The following CLASP1 variants were observed in gnomAD, a reference collection of about 807,000 sequenced individuals.
CLASP1 encodes cytoplasmic linker associated protein 1.
CLASP1 carries 38 observed loss-of-function variants against 192.3 expected under a neutral mutation model. That is an observed-to-expected ratio of 0.20 (90% confidence interval 0.15 to 0.26). CLASP1 has a LOEUF of 0.26. Among genes scored for constraint, CLASP1 ranks in the 10% least tolerant of loss-of-function variants. The pLI, the probability that CLASP1 is intolerant of heterozygous loss-of-function variation, is 1.00. For synonymous variants in CLASP1, 691 were observed against 712.8 expected, an observed-to-expected ratio of 0.97 and a Z score of 0.49; for missense variants, 1,433 against 1,932.5, an observed-to-expected ratio of 0.74 and a Z score of 4.85.
Position 121,553,035 on chromosome 2 carries a change from TTG to T in CLASP1, c.196-22712_196-22711del, listed in dbSNP as rs1448513248. On this transcript the variant is annotated intron_variant, in intron 2 of 39. Coordinates refer to ENST00000263710, the Ensembl canonical transcript of CLASP1. The stretch of plus-strand genomic sequence containing the variant: ...ATAAAAAGGAATGAGATCACATCTT[TTG>T]TGGGAACATGGATGGAGCTGGAGGC... 2.6e-5 allele frequency among the ~76,000 whole-genome samples: 4 copies of T among 152,256 alleles called. No individual in the cohort carries two copies. In the East Asian group the frequency reaches 7.7e-4, roughly 29 times the overall value.
At chr2:121,462,445 A>G (rs2088285674) in intron 10 of CLASP1, 87 bp downstream of exon 10, 12 of 739,276 alleles carry the variant, frequency 1.6e-5, no homozygotes, top group Middle Eastern at 3.3e-4. Flanking sequence ...GACCTAGTAA[A>G]CAACATTACA....
intron 9 of CLASP1, among the ~76,000 whole-genome samples, chr2:121,463,339 T>C (rs1575100992): frequency 6.6e-6 from 1 of 152,184 alleles, no homozygotes; most frequent in Non-Finnish European, 1.5e-5. Flanking sequence ...TTCTAAGACC[T>C]TCTTACCACT....
At chr2:121,396,126 C>T (rs2075249944) in intron 30 of CLASP1, among the ~76,000 whole-genome samples, 1 of 152,142 alleles carries the variant, frequency 6.6e-6, no homozygotes, top group African/African-American at 2.4e-5. Context: ...ATTTTAATTG[C>T]AGCCAGGACT....
intron 2 of CLASP1, among the ~76,000 whole-genome samples, chr2:121,544,958 CTG>C (rs1167199373): frequency 6.8e-6 from 1 of 146,902 alleles, no homozygotes; most frequent in Non-Finnish European, 1.5e-5. Context: ...GTCACCCAGG[CTG>C]GAGTGTAGTG....
At chr2:121,448,610 C>T (rs774132471) in intron 17 of CLASP1, among the ~76,000 whole-genome samples, 17 of 152,218 alleles carry the variant, frequency 1.1e-4, no homozygotes, top group Non-Finnish European at 2.1e-4. Flanking sequence ...TGAATGACCT[C>T]CATTTCCAAA....
intron 19 of CLASP1, among the ~76,000 whole-genome samples, chr2:121,438,253 T>G (rs2082641781): frequency 1.3e-5 from 2 of 152,252 alleles, no homozygotes; most frequent in African/African-American, 4.8e-5. Context: ...GCTTGGAGTC[T>G]TCCAAACACC....
intron 1 of CLASP1, among the ~76,000 whole-genome samples, chr2:121,613,524 TG>T (rs2106011399): frequency 6.6e-6 from 1 of 152,290 alleles, no homozygotes; most frequent in Non-Finnish European, 1.5e-5. Context: ...TTGGGAATTT[TG>T]GCCTCTGGTC....
intron 9 of CLASP1, among the ~76,000 whole-genome samples, chr2:121,465,826 T>C (rs556064858): frequency 8.5e-5 from 13 of 152,138 alleles, no homozygotes; most frequent in Non-Finnish European, 1.3e-4. Context: ...AACAGAGATA[T>C]AGATCAATGA....
At chr2:121,552,034 G>A (rs571494050) in intron 2 of CLASP1, among the ~76,000 whole-genome samples, 1 of 152,212 alleles carries the variant, frequency 6.6e-6, no homozygotes, top group African/African-American at 2.4e-5. Flanking sequence ...CCAGAAATAG[G>A]CTGCACACCT....
At chr2:121,363,776 C>T (rs2066852377) in intron 36 of CLASP1, among the ~76,000 whole-genome samples, 1 of 152,196 alleles carries the variant, frequency 6.6e-6, no homozygotes, top group African/African-American at 2.4e-5. Flanking sequence ...TGTCATTATT[C>T]CTGACCTTCC....
intron 1 of CLASP1, among the ~76,000 whole-genome samples, chr2:121,643,560 T>A (rs1055591606): frequency 6.6e-6 from 1 of 152,272 alleles, no homozygotes; most frequent in Non-Finnish European, 1.5e-5. Flanking sequence ...AGATTATGAC[T>A]GTAAAAGTGC....
Position 121,430,886 on chromosome 2 carries a change from A to ATT in CLASP1, c.1913-711_1913-710dup, listed in dbSNP as rs1264483276. On this transcript the variant is annotated intron_variant, in intron 19 of 39. Transcript: ENST00000263710. ...AGGCAGTTATGAAAAAATTACAGCA[A>ATT]TTATTGAACCACGAAGCCATAAAAA... Among the ~76,000 whole-genome samples the ATT allele has an allele frequency of 2.0e-5, 3 of 152,264 alleles. No homozygotes were observed. The East Asian group carries it at 5.8e-4, about 29-fold the overall frequency.
intron 33 of CLASP1, among the ~76,000 whole-genome samples, chr2:121,380,707 T>C (rs1023959304): frequency 6.6e-6 from 1 of 152,218 alleles, no homozygotes; most frequent in African/African-American, 2.4e-5. Flanking sequence ...ACAGAACAAA[T>C]AGACAGACAT....
chr2:121,422,472 G>A (rs2079663751), intron 22 of CLASP1, among the ~76,000 whole-genome samples: 2 of 152,052 alleles, frequency 1.3e-5, no homozygotes, highest in Admixed American at 6.5e-5. Context: ...AGGGAACAAG[G>A]GCAAACTTCC....
At chr2:121,567,667 C>G (rs2059624138) in intron 2 of CLASP1, among the ~76,000 whole-genome samples, 1 of 152,216 alleles carries the variant, frequency 6.6e-6, no homozygotes, top group Non-Finnish European at 1.5e-5. Context: ...CTTTAACTCC[C>G]TGGCACATCT....
intron 2 of CLASP1, among the ~76,000 whole-genome samples, chr2:121,550,380 G>GA (rs1274132770): frequency 6.6e-6 from 1 of 151,474 alleles, no homozygotes; most frequent in Non-Finnish European, 1.5e-5. Flanking sequence ...CAGAAGACAA[G>GA]AAATAACCAA....
intron 1 of CLASP1, among the ~76,000 whole-genome samples, chr2:121,629,651 C>A (rs1480738822): frequency 6.6e-6 from 1 of 151,770 alleles, no homozygotes; most frequent in African/African-American, 2.4e-5. Context: ...ATTAGCTGGG[C>A]ATGGTGGCAG....
intron 6 of CLASP1, among the ~76,000 whole-genome samples, chr2:121,521,184 TA>T (rs1209038857): frequency 6.6e-6 from 1 of 152,194 alleles, no homozygotes; most frequent in Non-Finnish European, 1.5e-5. Context: ...AAATGTGGTC[TA>T]AGATTTGCTT....
chr2:121,632,550 G>A (rs939955744), intron 1 of CLASP1, among the ~76,000 whole-genome samples: 2 of 151,894 alleles, frequency 1.3e-5, no homozygotes, highest in African/African-American at 4.8e-5. Context: ...AAAAAAGGAG[G>A]AAGTCTTCAA....
Sources: gnomAD v4.1 joint callset for allele counts (sites outside exome capture counted in the v4.1 genomes callset) on GRCh38, gnomAD v4.1.1 for gene constraint, MANE v1.5 for transcripts, NCBI Gene and HGNC (gene_info 2026-07-23, HGNC 2026-07-21) for gene names.